The following FARS2 variants were observed in gnomAD, a reference collection of about 807,000 sequenced individuals.
The protein encoded by FARS2 is phenylalanine--tRNA ligase, mitochondrial.
FARS2 carries 40 observed loss-of-function variants against 46.4 expected under a neutral mutation model. The ratio of observed to expected loss-of-function variants is 0.86; its 90% CI spans 0.67 to 1.12. The LOEUF is 1.12. FARS2 is among the 50% of genes most tolerant of loss of function. The probability of loss-of-function intolerance (pLI) is 0.00; values close to 1 mark genes in which losing one functional copy is unlikely to be tolerated. For missense variants in FARS2, 513 were observed against 567.9 expected (o/e 0.90, Z 0.98); for synonymous variants, 234 against 214.9 (o/e 1.09, Z -0.78).
chr6:5,345,400 G>A (rs1334525123), intron 1 of FARS2, among the ~76,000 whole-genome samples: 1 of 152,136 alleles, frequency 6.6e-6, no homozygotes, highest in East Asian at 1.9e-4. Flanking sequence ...CAGAGATTGT[G>A]AAACTGGTAG....
chr6:5,740,693 C>T (rs1015027171), intron 6 of FARS2, among the ~76,000 whole-genome samples: 10 of 152,124 alleles, frequency 6.6e-5, no homozygotes, highest in African/African-American at 2.4e-4. Context: ...CTCCTGGAGA[C>T]CTGCCTTTTA....
intron 6 of FARS2, among the ~76,000 whole-genome samples, chr6:5,676,455 C>T (rs1051703522): frequency 2.6e-5 from 4 of 152,102 alleles, no homozygotes; most frequent in African/African-American, 9.7e-5. Context: ...TTGCACATGC[C>T]TGTGGTGTCC....
At chr6:5,355,563 TG>T (rs1369102300) in intron 1 of FARS2, among the ~76,000 whole-genome samples, 1 of 152,020 alleles carries the variant, frequency 6.6e-6, no homozygotes, top group Non-Finnish European at 1.5e-5. Flanking sequence ...TTCACCATGC[TG>T]GCCAGGCTGG....
intron 6 of FARS2, among the ~76,000 whole-genome samples, chr6:5,732,239 T>C (rs1312448182): frequency 1.3e-5 from 2 of 152,176 alleles, no homozygotes; most frequent in Non-Finnish European, 2.9e-5. Context: ...ATGGCTCTAG[T>C]AGCAGGAAAC....
At chr6:5,300,345 G>C (rs1768209413) in intron 1 of FARS2, among the ~76,000 whole-genome samples, 1 of 152,238 alleles carries the variant, frequency 6.6e-6, no homozygotes, top group Non-Finnish European at 1.5e-5. Context: ...GTCATACACA[G>C]CTGCTGATTC....
At chr6:5,292,394 A>G (rs1047765789) in intron 1 of FARS2, among the ~76,000 whole-genome samples, 1 of 152,234 alleles carries the variant, frequency 6.6e-6, no homozygotes, top group African/African-American at 2.4e-5. Flanking sequence ...TACTTCTGGT[A>G]ATCTCAGTGA....
intron 5 of FARS2, among the ~76,000 whole-genome samples, chr6:5,577,836 C>T (rs768211301): frequency 6.6e-6 from 1 of 152,072 alleles, no homozygotes; most frequent in Non-Finnish European, 1.5e-5. Flanking sequence ...GAGTCTCACT[C>T]TGTCGCCCAG....
At chr6:5,545,489 C>T (rs1378241078) in intron 5 of FARS2, 149 bp downstream of exon 5, 12 of 616,102 alleles carry the variant, frequency 1.9e-5, no homozygotes, top group East Asian at 3.2e-5. Context: ...ATGTGCAGAA[C>T]GTGCAGGTTT....
At chr6:5,763,276 A>T (rs920444925) in intron 6 of FARS2, among the ~76,000 whole-genome samples, 2 of 152,006 alleles carry the variant, frequency 1.3e-5, no homozygotes, top group Non-Finnish European at 2.9e-5. Context: ...ACATAGCGAG[A>T]CCCTGTCTCT....
rs549764831 is a variant in FARS2 at position 5,453,587 on chromosome 6, G to A, written c.904+22415G>A. ...TTACTAGTATAATAGGATTTGATTT[G>A]CTCTGTTTAACATATGATGAAGTTA... On this transcript the variant is annotated intron_variant, in intron 4 of 6. Transcript: ENST00000274680. Among the ~76,000 whole-genome samples, 193 of 152,290 alleles carry A rather than the reference G, an allele frequency of 1.3e-3. 1 individual carries two copies. The highest frequency in any genetic ancestry group is 4.4e-3 in the African/African-American group (183 of 41,560).
chr6:5,662,688 T>G (rs1345746434), intron 6 of FARS2, among the ~76,000 whole-genome samples: 1 of 152,234 alleles, frequency 6.6e-6, no homozygotes, highest in African/African-American at 2.4e-5. Flanking sequence ...TGCAAATTAG[T>G]CAAGTGTTAA....
At chr6:5,533,483 T>C (rs1169267661) in intron 4 of FARS2, among the ~76,000 whole-genome samples, 1 of 152,228 alleles carries the variant, frequency 6.6e-6, no homozygotes, top group African/African-American at 2.4e-5. Context: ...TATTCTGTTG[T>C]TTCTTTGCAA....
chr6:5,378,258 A>AAACCACTGTCCTCAAACCACTGTCCTC (rs1759512353), intron 2 of FARS2, among the ~76,000 whole-genome samples: 1 of 151,850 alleles, frequency 6.6e-6, no homozygotes, highest in Non-Finnish European at 1.5e-5. Context: ...CACTGTCCTC[A>AAACCACTGTCCTCAAACCACTGTCCTC]AACCACTGTC....
rs1772716130 is a variant in FARS2 at position 5,572,547 on chromosome 6, A to G, written c.1065+27207A>G. Among the ~76,000 whole-genome samples, 3 of 152,106 alleles carry G rather than the reference A, an allele frequency of 2.0e-5. No individual in the cohort carries two copies. In the South Asian group the frequency reaches 6.2e-4, roughly 32 times the overall value. On this transcript the variant is annotated intron_variant, in intron 5 of 6. Transcript: ENST00000274680. Reference sequence around the variant, plus strand: ...AAAGAGATCGATGACTGCCTCCCATACAAATGTACGATCTCCTCTTGGGAG... The same window carrying G: ...AAAGAGATCGATGACTGCCTCCCATGCAAATGTACGATCTCCTCTTGGGAG...
intron 4 of FARS2, among the ~76,000 whole-genome samples, chr6:5,463,758 G>T (rs1469931254): frequency 6.6e-6 from 1 of 151,180 alleles, no homozygotes; most frequent in Non-Finnish European, 1.5e-5. Context: ...CTGTTGCCCT[G>T]TGCATGAAAA....
At chr6:5,253,704 A>G in the FARS2 span, among the ~76,000 whole-genome samples, 1 of 152,100 alleles carries the variant, frequency 6.6e-6, no homozygotes, top group African/African-American at 2.4e-5. Context: ...GAGAGCAATC[A>G]TGGAAACTGA....
chr6:5,305,048 C>G lies in FARS2; in HGVS notation c.-22+43388C>G, dbSNP rs144518060. ...AGAAGAGTGCCTATTGTGGACTGCA[C>G]AAAGCACCTCACCTCACCTGGTGAG... On this transcript the variant is annotated intron_variant, in intron 1 of 6. Transcript: ENST00000274680. Among the ~76,000 whole-genome samples, 657 of 152,254 alleles carry G rather than the reference C, an allele frequency of 4.3e-3. 5 individuals carry two copies. The South Asian group carries it at 0.047, about 11-fold the overall frequency.
intron 1 of FARS2, among the ~76,000 whole-genome samples, chr6:5,359,046 T>G: frequency 7.2e-6 from 1 of 138,958 alleles, no homozygotes; most frequent in Non-Finnish European, 1.6e-5. Context: ...TTTTTTTTTT[T>G]TTTTTTTTTT....
intron 6 of FARS2, among the ~76,000 whole-genome samples, chr6:5,631,823 C>G (rs932112406): frequency 3.9e-5 from 6 of 152,060 alleles, no homozygotes; most frequent in African/African-American, 1.4e-4. Flanking sequence ...TTTTCCTTCT[C>G]AAGCTATAAT....
Sources: gnomAD v4.1 joint callset for allele counts (sites outside exome capture counted in the v4.1 genomes callset) on GRCh38, gnomAD v4.1.1 for gene constraint, MANE v1.5 for transcripts, NCBI Gene and HGNC (gene_info 2026-07-23, HGNC 2026-07-21) for gene names.